The following FAM120C variants were observed in gnomAD, a reference collection of about 807,000 sequenced individuals.
The protein encoded by FAM120C is family with sequence similarity 120 member C, also known as constitutive coactivator of PPAR-gamma-like protein 2.
In FAM120C, 14 loss-of-function variants were observed where a neutral mutation model predicts 71.2. That is an observed-to-expected ratio of 0.20 (90% CI 0.13 to 0.31). The LOEUF is 0.31. Ranked by LOEUF, FAM120C falls within the 10% of genes least tolerant of loss-of-function variation. The probability of loss-of-function intolerance (pLI) is 1.00; values close to 1 mark genes in which losing one functional copy is unlikely to be tolerated. For synonymous variants in FAM120C, 354 were observed against 353.2 expected, an observed-to-expected ratio of 1.00 and a Z score of -0.03; for missense variants, 500 against 879.0, an observed-to-expected ratio of 0.57 and a Z score of 5.45.
intron 11 of FAM120C, among the ~76,000 whole-genome samples, chrX:54,090,236 C>CT (rs782260018): frequency 4.3e-4 from 1 of 2,323 alleles, no homozygotes; most frequent in African/African-American, 1.0e-3. Context: ...GCACCTTGCC[C>CT]TTCTTTTTTT....
chrX:54,101,193 T>G (rs2066880540), intron 10 of FAM120C, among the ~76,000 whole-genome samples: 1 of 111,602 alleles, frequency 9.0e-6, no homozygotes, highest in Non-Finnish European at 1.9e-5. Flanking sequence ...TGTACCTTCC[T>G]GAGCTGAGAC....
In FAM120C at chrX:54,069,989, C is replaced by T. The variant is rs1204094913; in HGVS notation, c.*3044G>A. 9.0e-6 allele frequency: 1 copy of T among 111,687 alleles called. No homozygotes were observed. The highest frequency in any genetic ancestry group is 3.3e-5 in the African/African-American group (1 of 30,734). 9.2% of individuals were successfully genotyped at this position (111,687 alleles called of 1,213,427 possible). A position where few individuals can be genotyped will look rare whatever the true frequency, so the allele number is the denominator to read the frequency against. ...GTCATTTCTGGGGGTTCCCAAATGACTTTGTTCAAGAGAGGTCACATAAAA... is the reference window on the plus strand; with the variant it reads ...GTCATTTCTGGGGGTTCCCAAATGATTTTGTTCAAGAGAGGTCACATAAAA... On this transcript the variant is annotated 3_prime_UTR_variant, in exon 16 of 16. Transcript: ENST00000375180.
At chrX:54,104,342 C>T (rs1187058044) in intron 10 of FAM120C, among the ~76,000 whole-genome samples, 1 of 111,905 alleles carries the variant, frequency 8.9e-6, no homozygotes, top group Non-Finnish European at 1.9e-5. Context: ...GGAGTATAGG[C>T]TCCTAGCACT....
intron 1 of FAM120C, among the ~76,000 whole-genome samples, chrX:54,167,227 A>G (rs1165549156): frequency 8.9e-6 from 1 of 112,169 alleles, no homozygotes; most frequent in African/African-American, 3.2e-5. Flanking sequence ...TGACAGGGCA[A>G]AGAGCCAACA....
chrX:54,117,015 G>A (rs2066971321), intron 9 of FAM120C, among the ~76,000 whole-genome samples: 2 of 111,108 alleles, frequency 1.8e-5, no homozygotes, highest in Admixed American at 9.8e-5. Context: ...ATCCTGAGAG[G>A]GAACTATTAT....
chrX:54,172,513 C>T (rs2067293481), intron 1 of FAM120C, among the ~76,000 whole-genome samples: 1 of 112,287 alleles, frequency 8.9e-6, no homozygotes, highest in African/African-American at 3.2e-5. Flanking sequence ...TGCAGAAGCA[C>T]AATCTGTAGC....
intron 12 of FAM120C, among the ~76,000 whole-genome samples, chrX:54,086,918 G>A (rs1172109992): frequency 9.0e-6 from 1 of 110,500 alleles, no homozygotes; most frequent in Non-Finnish European, 1.9e-5. Flanking sequence ...ACTATGGATA[G>A]TGACAAAAAA....
chrX:54,180,111 G>C (rs782356884), intron 1 of FAM120C, among the ~76,000 whole-genome samples: 3 of 111,569 alleles, frequency 2.7e-5, no homozygotes, highest in Non-Finnish European at 5.7e-5. Context: ...TATACTAAGG[G>C]CTGCTTCTCT....
chrX:54,073,375 C>T, intron 15 of FAM120C, 88 bp from the exon 16 acceptor site: 6 of 958,787 alleles, frequency 6.3e-6, no homozygotes, highest in South Asian at 2.9e-5. Flanking sequence ...CCTGAGGAAG[C>T]GGCTTCAGTT....
At chrX:54,154,175 A>C (rs1369027677) in intron 3 of FAM120C, among the ~76,000 whole-genome samples, 2 of 105,874 alleles carry the variant, frequency 1.9e-5, no homozygotes, top group Non-Finnish European at 3.9e-5. Context: ...TGGCTTGGCC[A>C]GGGTAGCAGC....
intron 10 of FAM120C, among the ~76,000 whole-genome samples, chrX:54,098,679 A>G (rs2066866756): frequency 9.0e-6 from 1 of 111,493 alleles, no homozygotes; most frequent in Admixed American, 9.6e-5. Flanking sequence ...GCTGAACTGC[A>G]GTGGTGCGAT....
At chrX:54,104,996 C>T (rs2066899583) in intron 10 of FAM120C, among the ~76,000 whole-genome samples, 1 of 111,170 alleles carries the variant, frequency 9.0e-6, no homozygotes, top group African/African-American at 3.3e-5. Context: ...GGAGCTGGTA[C>T]CATTCCTTCT....
At chrX:54,092,824 C>CA (rs2066831369) in intron 10 of FAM120C, among the ~76,000 whole-genome samples, 1 of 111,073 alleles carries the variant, frequency 9.0e-6, no homozygotes. Context: ...ATTTCATTGG[C>CA]AAAATGTAAA....
intron 10 of FAM120C, among the ~76,000 whole-genome samples, chrX:54,114,299 TAATGGGTAC>T (rs1456685022): frequency 9.0e-6 from 1 of 111,565 alleles, no homozygotes; most frequent in Non-Finnish European, 1.9e-5. Context: ...GAAAATTACT[TAATGGGTAC>T]AATGTACACT....
intron 10 of FAM120C, among the ~76,000 whole-genome samples, chrX:54,114,039 TACACACACACAC>T (rs201960191): frequency 0.044 from 4,351 of 98,719 alleles, 91 homozygotes; most frequent in Non-Finnish European, 0.069. Flanking sequence ...GAAAGTGTGA[TACACACACACAC>T]ACACACACAC....
In FAM120C at chrX:54,068,789, CAGAATAGAATAGAATAGAAT is replaced by C. The variant is rs531470908; in HGVS notation, c.*4224_*4243del. On this transcript the variant is annotated 3_prime_UTR_variant, in exon 16 of 16. Transcript: ENST00000375180. ...AAAAACAGAATAGAACAGAATAGAA[CAGAATAGAATAGAATAGAAT>C]AGAATAGAATAGAATAGAATAGAAT... 1.6e-3 allele frequency: 163 copies of C among 103,229 alleles called. No homozygotes were observed. The highest frequency in any genetic ancestry group is 5.1e-3 in the African/African-American group (127 of 25,144). The allele number at this position is 103,229 out of a possible 1,213,427, so 8.5% of individuals were successfully genotyped here.
At chrX:54,116,944 G>C in intron 9 of FAM120C, 150 bp from the exon 10 acceptor site, 1 of 634,521 alleles carries the variant, frequency 1.6e-6, no homozygotes, top group Non-Finnish European at 2.3e-6. Context: ...AATAGTACAC[G>C]TTTATTAAGT....
intron 9 of FAM120C, among the ~76,000 whole-genome samples, chrX:54,127,728 C>A (rs1015581487): frequency 2.7e-5 from 3 of 109,751 alleles, no homozygotes; most frequent in Non-Finnish European, 5.7e-5. Flanking sequence ...GTAGCTGGGA[C>A]TACAGGTATG....
At chrX:54,135,250 A>G in intron 6 of FAM120C, 139 bp from the exon 7 acceptor site, 1 of 622,128 alleles carries the variant, frequency 1.6e-6, no homozygotes. Flanking sequence ...AATAATGAGA[A>G]ATGATGTATG....
Sources: gnomAD v4.1 joint callset for allele counts (sites outside exome capture counted in the v4.1 genomes callset) on GRCh38, gnomAD v4.1.1 for gene constraint, MANE v1.5 for transcripts, NCBI Gene and HGNC (gene_info 2026-07-23, HGNC 2026-07-21) for gene names.